Variants in EYA4 observed in about 807,000 individuals in gnomAD.
EYA4 encodes the protein EYA transcriptional coactivator and phosphatase 4.
EYA4 carries 31 observed loss-of-function variants against 87.9 expected under a neutral mutation model. That is an observed-to-expected ratio of 0.35 (90% confidence interval 0.27 to 0.48). EYA4 has a LOEUF of 0.48. EYA4 is among the 20% of genes least tolerant of loss of function. The probability of loss-of-function intolerance (pLI) is 0.99; values close to 1 mark genes in which losing one functional copy is unlikely to be tolerated. For missense variants in EYA4, 678 were observed against 761.4 expected (o/e 0.89, Z 1.29); for synonymous variants, 263 against 270.6 (o/e 0.97, Z 0.28).
At chr6:133,332,269 T>C (rs1782023043) in intron 2 of EYA4, among the ~76,000 whole-genome samples, 1 of 152,236 alleles carries the variant, frequency 6.6e-6, no homozygotes, top group Non-Finnish European at 1.5e-5. Context: ...CAGAGGGTCT[T>C]TAAGAACAAA....
At chr6:133,297,743 G>A (rs375799535) in intron 2 of EYA4, among the ~76,000 whole-genome samples, 23 of 152,194 alleles carry the variant, frequency 1.5e-4, no homozygotes, top group African/African-American at 4.3e-4. Flanking sequence ...TTTTTCATCT[G>A]TTGTACCAAC....
intron 6 of EYA4, among the ~76,000 whole-genome samples, chr6:133,458,561 G>A (rs1794106182): frequency 6.6e-6 from 1 of 152,062 alleles, no homozygotes; most frequent in East Asian, 1.9e-4. Flanking sequence ...TCTTTAGTGT[G>A]GGAAAGCTAT....
intron 3 of EYA4, among the ~76,000 whole-genome samples, chr6:133,441,666 A>G (rs1046723260): frequency 1.3e-5 from 2 of 152,082 alleles, no homozygotes; most frequent in African/African-American, 4.8e-5. Flanking sequence ...AAAAATGGTT[A>G]TCCAGGGTGG....
chr6:133,292,769 C>T (rs1027070681), intron 2 of EYA4, among the ~76,000 whole-genome samples: 1 of 152,156 alleles, frequency 6.6e-6, no homozygotes, highest in Non-Finnish European at 1.5e-5. Flanking sequence ...TTTATACCCC[C>T]AGAAATTTGA....
At chr6:133,289,535 CAATT>C (rs1318001495) in intron 2 of EYA4, among the ~76,000 whole-genome samples, 4 of 152,122 alleles carry the variant, frequency 2.6e-5, no homozygotes, top group Middle Eastern at 3.4e-3. Flanking sequence ...TGTATTGAAA[CAATT>C]AAGAAGATAA....
chr6:133,389,832 T>G (rs1302268189), intron 3 of EYA4, among the ~76,000 whole-genome samples: 2 of 152,222 alleles, frequency 1.3e-5, no homozygotes, highest in Non-Finnish European at 2.9e-5. Context: ...CCATGTTTTT[T>G]GAATTTTCCT....
At chr6:133,390,788 C>T (rs758903319) in intron 3 of EYA4, among the ~76,000 whole-genome samples, 4 of 152,082 alleles carry the variant, frequency 2.6e-5, no homozygotes, top group Non-Finnish European at 5.9e-5. Context: ...CTGGTAAGTT[C>T]TACAGATGAA....
At chr6:133,405,018 C>G (rs1232781107) in intron 3 of EYA4, among the ~76,000 whole-genome samples, 1 of 152,082 alleles carries the variant, frequency 6.6e-6, no homozygotes, top group Non-Finnish European at 1.5e-5. Flanking sequence ...CTCTTAGTTC[C>G]TCAACTTTTA....
chr6:133,406,807 A>G (rs1448092639), intron 3 of EYA4, among the ~76,000 whole-genome samples: 1 of 152,212 alleles, frequency 6.6e-6, no homozygotes, highest in Non-Finnish European at 1.5e-5. Flanking sequence ...AATGAAAATG[A>G]AATGTATGAA....
At chr6:133,317,523 T>G (rs1220765187) in intron 2 of EYA4, among the ~76,000 whole-genome samples, 1 of 152,168 alleles carries the variant, frequency 6.6e-6, no homozygotes, top group Non-Finnish European at 1.5e-5. Flanking sequence ...CTACTCAACT[T>G]TAACACAATT....
intron 17 of EYA4, among the ~76,000 whole-genome samples, chr6:133,517,611 G>A (rs1562511379): frequency 6.6e-6 from 1 of 152,164 alleles, no homozygotes; most frequent in Non-Finnish European, 1.5e-5. Context: ...CTGACTCGTG[G>A]CACAGGCAGA....
At chr6:133,306,635 A>G (rs928288109) in intron 2 of EYA4, among the ~76,000 whole-genome samples, 4 of 152,186 alleles carry the variant, frequency 2.6e-5, no homozygotes, top group African/African-American at 9.7e-5. Context: ...TTTATATTTA[A>G]TTATATTGAA....
In EYA4 at chr6:133,311,592, T is replaced by A. The variant is rs115911663; in HGVS notation, c.33+36779T>A. ...GTTCAGCCTCCCAAAATGCTGAGAT[T>A]ACAGGTCTGAGCCACTGCACCCGGC... On this transcript the variant is annotated intron_variant, in intron 2 of 19. Transcript: ENST00000355286. 2.5e-3 allele frequency among the ~76,000 whole-genome samples: 377 copies of A among 152,250 alleles called. 1 individual carries two copies. The highest frequency in any genetic ancestry group is 8.7e-3 in the African/African-American group (360 of 41,554).
Position 133,529,694 on chromosome 6 carries a change from A to C in EYA4, c.*889A>C, listed in dbSNP as rs1340982286. The stretch of plus-strand genomic sequence containing the variant: ...TTCATTTGGGTTCTTAATAATTCCA[A>C]TAATTGTATGAGGCAACTATTTGCG... On this transcript the variant is annotated 3_prime_UTR_variant, in exon 20 of 20. Coordinates refer to ENST00000355286, the MANE Select transcript of EYA4 (RefSeq NM_004100.5). 2.0e-6 allele frequency: 2 copies of C among 984,984 alleles called. No homozygotes were observed. Among genetic ancestry groups the C allele is most frequent in the East Asian group, 2.3e-4 (2 of 8,822 alleles). The allele number at this position is 984,984 out of a possible 1,614,324, so 61.0% of individuals were successfully genotyped here.
At chr6:133,281,236 A>T (rs9483564) in intron 2 of EYA4, among the ~76,000 whole-genome samples, 41,410 of 152,014 alleles carry the variant, frequency 0.27, 6,281 homozygotes, top group East Asian at 0.49. Context: ...TTTTCAAAGG[A>T]TATCTCCCAT....
At chr6:133,345,473 A>G (rs1180283415) in intron 2 of EYA4, among the ~76,000 whole-genome samples, 1 of 152,174 alleles carries the variant, frequency 6.6e-6, no homozygotes, top group Non-Finnish European at 1.5e-5. Context: ...TAAATCTAAG[A>G]CCTGCATCCT....
At position 133,512,927 on chromosome 6, in the gene EYA4, A is replaced by G. The variant is rs1799280698; in HGVS notation, c.1390A>G (p.Asn464Asp). ...CTTCCATGCAGCTGCAAGTAGTGCA[A>G]ACCTTTGTTTGCCAACAGGTGTAAG... ...DGFHAAASSA[N>D]LCLPTGVRGG... Residue 464 changes from asparagine (N) to aspartate (D), a missense_variant, in exon 16 of 20, where the codon AAC becomes GAC. Physicochemically the swap from Asn to Asp is conservative, Grantham distance 23. Coordinates refer to ENST00000355286, the MANE Select transcript of EYA4 (RefSeq NM_004100.5). The G allele has an allele frequency of 6.2e-7, 1 of 1,614,154 alleles. No homozygotes were observed. Among genetic ancestry groups the G allele is most frequent in the Non-Finnish European group, 8.5e-7 (1 of 1,180,008 alleles).
At chr6:133,425,439 C>G (rs899179577) in intron 3 of EYA4, among the ~76,000 whole-genome samples, 1 of 150,078 alleles carries the variant, frequency 6.7e-6, no homozygotes, top group African/African-American at 2.5e-5. Context: ...GTCATGACAC[C>G]CCCCCAACCT....
At position 133,512,969 on chromosome 6, in the gene EYA4, A is replaced by C; in HGVS notation, c.1432A>C (p.Met478Leu). The C allele has an allele frequency of 6.2e-7, 1 of 1,614,124 alleles. No homozygotes were observed. Among genetic ancestry groups the C allele is most frequent in the Non-Finnish European group, 8.5e-7 (1 of 1,179,984 alleles). ...AGGTGTAAGAGGAGGGGTTGACTGG[A>C]TGAGGAAGTTGGCTTTTCGTTACAG... Reference protein sequence around the residue: ...PTGVRGGVDWMRKLAFRYRRV... With the variant: ...PTGVRGGVDWLRKLAFRYRRV... The change falls in exon 16 of 20, where the codon ATG (methionine) becomes CTG (leucine). Residue 478 changes from methionine (M) to leucine (L), a missense_variant. Physicochemically the swap from Met to Leu is conservative, Grantham distance 15. Coordinates refer to ENST00000355286, the MANE Select transcript of EYA4 (RefSeq NM_004100.5).
Sources: gnomAD v4.1 joint callset for allele counts (sites outside exome capture counted in the v4.1 genomes callset) on GRCh38, gnomAD v4.1.1 for gene constraint, MANE v1.5 for transcripts, NCBI Gene and HGNC (gene_info 2026-07-23, HGNC 2026-07-21) for gene names.